Variants in ERC1 observed in about 807,000 individuals in gnomAD.
ERC1 encodes the protein ELKS/RAB6-interacting/CAST family member 1.
In ERC1, 56 loss-of-function variants were observed where a neutral mutation model predicts 132.0. The observed-to-expected ratio is 0.42, with a 90% CI of 0.34 to 0.53. The LOEUF (loss-of-function observed/expected upper bound fraction) is 0.53, where lower values mean the gene tolerates loss of function less well. ERC1 is among the 20% of genes least tolerant of loss of function. ERC1 has a pLI of 0.03. For missense variants in ERC1, 1,202 were observed against 1,349.9 expected, an observed-to-expected ratio of 0.89 and a Z score of 1.72; for synonymous variants, 478 against 476.1, an observed-to-expected ratio of 1.00 and a Z score of -0.05.
chr12:1,017,142 A>G (rs1052984239), intron 1 of ERC1, among the ~76,000 whole-genome samples: 1 of 151,602 alleles, frequency 6.6e-6, no homozygotes, highest in African/African-American at 2.4e-5. Context: ...GGTTACAGGT[A>G]TGTGCCACCA....
At chr12:1,180,768 C>T in intron 9 of ERC1, 91 bp downstream of exon 9, 2 of 1,497,588 alleles carry the variant, frequency 1.3e-6, no homozygotes, top group South Asian at 2.4e-5. Context: ...TCCCTGTGGG[C>T]ACAAGGGAAA....
At chr12:1,244,224 T>C (rs2076013697) in intron 13 of ERC1, among the ~76,000 whole-genome samples, 1 of 152,202 alleles carries the variant, frequency 6.6e-6, no homozygotes, top group South Asian at 2.1e-4. Context: ...TGTCACACAA[T>C]CGTAATCGAA....
At chr12:1,302,140 A>T (rs545263265) in intron 15 of ERC1, among the ~76,000 whole-genome samples, 3 of 152,350 alleles carry the variant, frequency 2.0e-5, no homozygotes, top group Non-Finnish European at 2.9e-5. Flanking sequence ...TAAATAAGAA[A>T]GCTAATATAT....
At chr12:1,199,685 C>G (rs533987068) in intron 12 of ERC1, among the ~76,000 whole-genome samples, 1 of 151,278 alleles carries the variant, frequency 6.6e-6, no homozygotes, top group East Asian at 2.0e-4. Flanking sequence ...GGCTGAGGCA[C>G]AAGAATTGCT....
intron 14 of ERC1, among the ~76,000 whole-genome samples, chr12:1,270,729 A>G (rs2077782978): frequency 6.6e-6 from 1 of 151,714 alleles, no homozygotes; most frequent in Non-Finnish European, 1.5e-5. Flanking sequence ...TCAGTGCACA[A>G]GAATTCTTAA....
chr12:1,237,213 A>G (rs751229378), intron 13 of ERC1, among the ~76,000 whole-genome samples: 9 of 152,164 alleles, frequency 5.9e-5, no homozygotes, highest in Non-Finnish European at 1.3e-4. Flanking sequence ...GGTTGTCAGT[A>G]TACCTCTTTG....
intron 3 of ERC1, among the ~76,000 whole-genome samples, chr12:1,090,954 G>C (rs28682462): frequency 0.12 from 4,714 of 39,738 alleles, 1,695 homozygotes; most frequent in East Asian, 0.54. Flanking sequence ...CTGGAGTGCA[G>C]TGGCGCAATC....
At chr12:1,002,980 G>A (rs1278262983) in intron 1 of ERC1, among the ~76,000 whole-genome samples, 3 of 151,306 alleles carry the variant, frequency 2.0e-5, no homozygotes, top group East Asian at 3.9e-4. Flanking sequence ...GCCAGGCACC[G>A]TGGCTCATGC....
At chr12:1,460,526 A>G (rs1478722749) in intron 18 of ERC1, among the ~76,000 whole-genome samples, 3 of 152,214 alleles carry the variant, frequency 2.0e-5, no homozygotes, top group East Asian at 1.9e-4. Context: ...TTACCATTAC[A>G]GTGTTTAATT....
At chr12:1,304,687 G>A (rs1037642916) in intron 15 of ERC1, among the ~76,000 whole-genome samples, 1 of 151,458 alleles carries the variant, frequency 6.6e-6, no homozygotes, top group African/African-American at 2.4e-5. Flanking sequence ...CATTCTGTTA[G>A]GAGAACCTCT....
chr12:1,340,538 G>A (rs1018498173), intron 15 of ERC1, among the ~76,000 whole-genome samples: 1 of 152,096 alleles, frequency 6.6e-6, no homozygotes, highest in Non-Finnish European at 1.5e-5. Flanking sequence ...ATTACTCTTC[G>A]TGAGTACAAC....
intron 2 of ERC1, among the ~76,000 whole-genome samples, chr12:1,059,125 T>G (rs1015878012): frequency 6.6e-6 from 1 of 152,232 alleles, no homozygotes; most frequent in Non-Finnish European, 1.5e-5. Flanking sequence ...TCTTGGTTAC[T>G]TTTTTAGCTG....
chr12:1,398,466 C>T (rs1204210663), intron 16 of ERC1, among the ~76,000 whole-genome samples: 1 of 151,748 alleles, frequency 6.6e-6, no homozygotes, highest in Non-Finnish European at 1.5e-5. Context: ...TTTAGTAAAC[C>T]CAGTCTTCAA....
intron 12 of ERC1, 136 bp downstream of exon 12, chr12:1,190,188 C>CT (rs1225787264): frequency 3.6e-6 from 3 of 842,884 alleles, no homozygotes; most frequent in African/African-American, 1.7e-5. Flanking sequence ...TATTAGCTGC[C>CT]TTTTTTCTAG....
intron 13 of ERC1, among the ~76,000 whole-genome samples, chr12:1,248,836 A>G (rs1252973230): frequency 2.0e-5 from 3 of 152,272 alleles, no homozygotes; most frequent in African/African-American, 7.2e-5. Flanking sequence ...AGAAGCTCAC[A>G]TTCTGGTAAG....
chr12:1,283,667 C>T (rs1026409460), intron 14 of ERC1, among the ~76,000 whole-genome samples: 1 of 152,130 alleles, frequency 6.6e-6, no homozygotes. Context: ...TAATCTGAGG[C>T]AGAAATACTT....
intron 16 of ERC1, among the ~76,000 whole-genome samples, chr12:1,394,827 C>T (rs2090396287): frequency 1.3e-5 from 2 of 152,162 alleles, no homozygotes; most frequent in Non-Finnish European, 2.9e-5. Context: ...TACCCAGTCT[C>T]GGGTAGTTCT....
chr12:999,139 C>T (rs1169930487), intron 1 of ERC1, among the ~76,000 whole-genome samples: 3 of 152,110 alleles, frequency 2.0e-5, no homozygotes, highest in South Asian at 2.1e-4. Flanking sequence ...GGATTATAGG[C>T]GTGAGCCACC....
chr12:1,193,782 C>T (rs1261905130), intron 12 of ERC1, among the ~76,000 whole-genome samples: 1 of 152,126 alleles, frequency 6.6e-6, no homozygotes, highest in Non-Finnish European at 1.5e-5. Context: ...CATTTATGTC[C>T]ATTGGGATTA....
Sources: gnomAD v4.1 joint callset for allele counts (sites outside exome capture counted in the v4.1 genomes callset) on GRCh38, gnomAD v4.1.1 for gene constraint, MANE v1.5 for transcripts, NCBI Gene and HGNC (gene_info 2026-07-23, HGNC 2026-07-21) for gene names.